The following BRCA1 variants were observed in gnomAD, a reference collection of about 807,000 sequenced individuals.
The protein encoded by BRCA1 is breast cancer type 1 susceptibility protein.
A neutral mutation model predicts 173.7 loss-of-function variants in BRCA1; 140 were observed. That is an observed-to-expected ratio of 0.81 (90% confidence interval 0.70 to 0.93). The LOEUF is 0.93. Among genes scored for constraint, BRCA1 ranks in the 40% least tolerant of loss-of-function variants. The pLI, the probability that BRCA1 is intolerant of heterozygous loss-of-function variation, is 0.00. For synonymous variants in BRCA1, 662 were observed against 756.0 expected, an observed-to-expected ratio of 0.88 and a Z score of 2.04; for missense variants, 1,983 against 2,172.5, an observed-to-expected ratio of 0.91 and a Z score of 1.73.
chr17:43,064,884 G>A (rs1353852802), intron 16 of BRCA1, among the ~76,000 whole-genome samples: 2 of 143,644 alleles, frequency 1.4e-5, no homozygotes, highest in African/African-American at 5.2e-5. Flanking sequence ...AGGCTGGAGT[G>A]CAGTGGCTGG....
At chr17:43,138,445 T>A in intron 1 of BRCA1, 1 of 591,630 alleles carries the variant, frequency 1.7e-6, no homozygotes, top group Non-Finnish European at 3.0e-6. Flanking sequence ...TCTCCAGGCC[T>A]CTGACTTAGC....
chr17:43,104,322 C>A (rs2054646488), intron 5 of BRCA1, 61 bp from the exon 6 acceptor site: 2 of 1,539,512 alleles, frequency 1.3e-6, no homozygotes, highest in African/African-American at 1.4e-5. Flanking sequence ...GAATTATAAT[C>A]AAAGAAACCA....
chr17:43,157,273 C>A (rs2056203312), intron 1 of BRCA1, among the ~76,000 whole-genome samples: 1 of 152,186 alleles, frequency 6.6e-6, no homozygotes, highest in Non-Finnish European at 1.5e-5. Flanking sequence ...AACACTGTTT[C>A]CAGTCATGAT....
intron 1 of BRCA1, chr17:43,144,975 G>T: frequency 1.6e-6 from 1 of 630,378 alleles, no homozygotes; most frequent in Non-Finnish European, 3.1e-6. Flanking sequence ...AAAAAGGTCA[G>T]CTCCACCGAA....
At chr17:43,063,448 C>T (rs531671458) in intron 17 of BRCA1, 75 bp from the exon 18 acceptor site, 12 of 1,251,028 alleles carry the variant, frequency 9.6e-6, no homozygotes, top group African/African-American at 5.9e-5. Flanking sequence ...GAGAGGTCAG[C>T]GATTCACAAA....
At chr17:43,073,766 A>ATTTT (rs974171622) in intron 14 of BRCA1, among the ~76,000 whole-genome samples, 9 of 151,130 alleles carry the variant, frequency 6.0e-5, no homozygotes, top group African/African-American at 2.2e-4. Flanking sequence ...ATATATATAT[A>ATTTT]TTTTTTGAGA....
At chr17:43,127,018 C>T (rs2055899070), upstream of BRCA1, among the ~76,000 whole-genome samples, 1 of 152,188 alleles carries the variant, frequency 6.6e-6, no homozygotes, top group Non-Finnish European at 1.5e-5. Flanking sequence ...CCCGCCTGCA[C>T]CCCGCTTGAA....
At position 43,139,513 on chromosome 17, in the gene BRCA1, C is replaced by T. The variant is rs538708071; in HGVS notation, c.-19-15398G>A. ...CTGGGACTGCAGGTGCCTGCCACCA[C>T]GTCCAGCTAATTTTTTATGTTTAGT... On this transcript the variant is annotated intron_variant, in intron 1 of 7. Transcript: ENST00000634433. 4.6e-5 allele frequency among the ~76,000 whole-genome samples: 7 copies of T among 152,214 alleles called. No homozygotes were observed. The South Asian group carries it at 1.0e-3, about 23-fold the overall frequency.
upstream of BRCA1, among the ~76,000 whole-genome samples, chr17:43,126,285 T>C (rs1174541221): frequency 1.3e-5 from 2 of 152,122 alleles, no homozygotes; most frequent in Non-Finnish European, 2.9e-5. Context: ...AATGGGGTGG[T>C]CGTTTTGAGG....
upstream of BRCA1, among the ~76,000 whole-genome samples, chr17:43,128,114 G>A (rs1018582393): frequency 2.0e-5 from 3 of 148,770 alleles, no homozygotes; most frequent in Non-Finnish European, 4.4e-5. Context: ...TGGAAGCTTT[G>A]TTCTTGTGCT....
chr17:43,127,908 C>T (rs2055927677), upstream of BRCA1, among the ~76,000 whole-genome samples: 1 of 151,648 alleles, frequency 6.6e-6, no homozygotes, highest in Non-Finnish European at 1.5e-5. Context: ...CCTGTAATCC[C>T]CTCTACTGGG....
chr17:43,081,745 T>C (rs771208553), intron 12 of BRCA1, among the ~76,000 whole-genome samples: 1 of 152,238 alleles, frequency 6.6e-6, no homozygotes, highest in Non-Finnish European at 1.5e-5. Context: ...AGCTCAGTGC[T>C]CACTTCTTAT....
rs1597871809 is a variant in BRCA1 at position 43,093,374 on chromosome 17, T to C, written c.2157A>G (p.Lys719=). 1.2e-6 allele frequency: 2 copies of C among 1,614,098 alleles called. No individual in the cohort carries two copies. Among genetic ancestry groups the C allele is most frequent in the Middle Eastern group, 1.6e-4 (1 of 6,062 alleles). The change falls in exon 10 of 23, where the codon AAA becomes AAG. Residue 719 remains lysine, a synonymous_variant. Transcript: ENST00000357654. Reference sequence around the variant, plus strand: ...TTGGAAGGCTAGGATTGACAAATTCTTTAAGTTCACTGGTATTTGAACACT... The same window carrying C: ...TTGGAAGGCTAGGATTGACAAATTCCTTAAGTTCACTGGTATTTGAACACT... ...FTKCSNTSEL[K]EFVNPSLPRE...
Position 43,059,636 on chromosome 17 carries a change from A to G in BRCA1, c.5194-2501T>C, listed in dbSNP as rs8176273. 0.29 allele frequency among the ~76,000 whole-genome samples: 44,693 copies of G among 152,014 alleles called. 7,175 individuals are homozygous for G. Among genetic ancestry groups the G allele is most frequent in the South Asian group, 0.49 (2,368 of 4,816 alleles). On this transcript the variant is annotated intron_variant, in intron 18 of 22. Coordinates refer to ENST00000357654, the MANE Select transcript of BRCA1 (RefSeq NM_007294.4). ...ATATTACTAACAAGATCTATTGTTCAAGCCAAAACCCAAGTGTCACTCCTT... is the reference window on the plus strand; with the variant it reads ...ATATTACTAACAAGATCTATTGTTCGAGCCAAAACCCAAGTGTCACTCCTT...
upstream of BRCA1, chr17:43,125,629 G>A (rs186775935): frequency 7.3e-5 from 19 of 260,390 alleles, no homozygotes; most frequent in Non-Finnish European, 1.4e-4. Context: ...CTGCCCTCTA[G>A]CCTCTACTCT....
At position 43,078,965 on chromosome 17, in the gene BRCA1, C is replaced by T. The variant is rs8176197; in HGVS notation, c.4358-2351G>A. 0.015 allele frequency among the ~76,000 whole-genome samples: 2,232 copies of T among 152,226 alleles called. 57 individuals carry two copies. The highest frequency in any genetic ancestry group is 0.05 in the African/African-American group (2,084 of 41,514). ...CTACAATCCCAGCACTTTGAGAGGC[C>T]GAGGTGGACAGATCACCTGAGGTCA... On this transcript the variant is annotated intron_variant, in intron 12 of 22. Transcript: ENST00000357654.
intron 19 of BRCA1, among the ~76,000 whole-genome samples, chr17:43,055,165 G>C (rs2051407003): frequency 6.6e-6 from 1 of 152,232 alleles, no homozygotes; most frequent in African/African-American, 2.4e-5. Context: ...AGGTAAGTGT[G>C]AAATCTTGCA....
intron 1 of BRCA1, chr17:43,166,145 TGTG>T (rs2056266307): frequency 6.6e-6 from 1 of 151,248 alleles, no homozygotes; most frequent in Non-Finnish European, 1.5e-5. Flanking sequence ...TGTGTGTGTG[TGTG>T]TGTGTGTCTC....
Position 43,063,370 on chromosome 17 carries a change from A to T in BRCA1, c.5156T>A (p.Val1719Glu), listed in dbSNP as rs1247437511. The change falls in exon 18 of 23, where the codon GTG becomes GAG. Residue 1719 changes from valine (V) to glutamate (E), a missense_variant. By Grantham distance (121) the Val-to-Glu change is moderately radical. Transcript: ENST00000357654. ...TTTTCTTTCTTTAATAGACTGGGTC[A>T]CCCCTAAAGAGATCATAGAAAAGAC... ...GGKWVVSYFW[V>E]TQSIKERKML... 6.2e-7 allele frequency: 1 copy of T among 1,611,580 alleles called. No homozygotes were observed. Among genetic ancestry groups the T allele is most frequent in the Non-Finnish European group, 8.5e-7 (1 of 1,177,908 alleles).
Sources: gnomAD v4.1 joint callset for allele counts (sites outside exome capture counted in the v4.1 genomes callset) on GRCh38, gnomAD v4.1.1 for gene constraint, MANE v1.5 for transcripts, NCBI Gene and HGNC (gene_info 2026-07-23, HGNC 2026-07-21) for gene names.